FRMD4A: variants seen among roughly 807,000 people sequenced by gnomAD.
FRMD4A encodes the protein FERM domain-containing protein 4A.
In FRMD4A, 29 loss-of-function variants were observed where a neutral mutation model predicts 129.1. The observed-to-expected ratio is 0.22, with a 90% CI of 0.17 to 0.31. FRMD4A has a LOEUF of 0.31. Ranked by LOEUF, FRMD4A falls within the 10% of genes least tolerant of loss-of-function variation. The pLI, the probability that FRMD4A is intolerant of heterozygous loss-of-function variation, is 1.00. For missense variants in FRMD4A, 1,272 were observed against 1,375.8 expected, an observed-to-expected ratio of 0.92 and a Z score of 1.19; for synonymous variants, 634 against 571.6, an observed-to-expected ratio of 1.11 and a Z score of -1.56.
chr10:13,826,394 T>C (rs1047017128), intron 3 of FRMD4A, among the ~76,000 whole-genome samples: 2 of 152,210 alleles, frequency 1.3e-5, no homozygotes, highest in Non-Finnish European at 2.9e-5. Flanking sequence ...CACAGCATAC[T>C]TTCTTATTCC....
intron 2 of FRMD4A, among the ~76,000 whole-genome samples, chr10:14,146,256 T>C (rs914934260): frequency 6.6e-6 from 1 of 152,224 alleles, no homozygotes. Flanking sequence ...GCACTGAATG[T>C]GGCAGCTAGA....
chr10:13,723,088 T>G (rs1379495728), intron 12 of FRMD4A, among the ~76,000 whole-genome samples: 4 of 149,078 alleles, frequency 2.7e-5, no homozygotes, highest in African/African-American at 9.9e-5. Context: ...GCTGGTTAGC[T>G]AGTTTTTATG....
intron 2 of FRMD4A, chr10:13,971,594 TC>T: frequency 2.0e-6 from 2 of 987,768 alleles, no homozygotes; most frequent in African/African-American, 1.7e-5. Flanking sequence ...TGCCCCCTTC[TC>T]CACCATTCAC....
chr10:14,270,975 G>A (rs75934494), intron 2 of FRMD4A, among the ~76,000 whole-genome samples: 7 of 152,154 alleles, frequency 4.6e-5, no homozygotes, highest in Non-Finnish European at 2.9e-5. Context: ...GGCTGTACAG[G>A]AAGTGTAACA....
chr10:13,930,634 G>T (rs184316065), intron 2 of FRMD4A, among the ~76,000 whole-genome samples: 9 of 152,224 alleles, frequency 5.9e-5, no homozygotes, highest in Admixed American at 4.6e-4. Context: ...CGAAGGGTCT[G>T]GGGGGAAACA....
At chr10:14,141,596 C>G (rs1037509748) in intron 2 of FRMD4A, among the ~76,000 whole-genome samples, 1 of 152,148 alleles carries the variant, frequency 6.6e-6, no homozygotes, top group Non-Finnish European at 1.5e-5. Flanking sequence ...TGCCATACCC[C>G]CTTCACCTAG....
At chr10:14,220,807 TGTGTTTGTGTGTGTGTG>T (rs1843228863) in intron 2 of FRMD4A, among the ~76,000 whole-genome samples, 1 of 104,474 alleles carries the variant, frequency 9.6e-6, no homozygotes, top group Non-Finnish European at 2.2e-5. Flanking sequence ...TGTGTGTGTG[TGTGTTTGTGTGTGTGTG>T]TGTGTGTGTG....
intron 3 of FRMD4A, among the ~76,000 whole-genome samples, chr10:13,840,953 A>G (rs2093954996): frequency 6.6e-6 from 1 of 152,058 alleles, no homozygotes; most frequent in Admixed American, 6.5e-5. Flanking sequence ...ACAGAAAATA[A>G]AAGAATTAGA....
chr10:13,984,768 A>C (rs2095575070), intron 2 of FRMD4A, among the ~76,000 whole-genome samples: 1 of 152,206 alleles, frequency 6.6e-6, no homozygotes, highest in Admixed American at 6.5e-5. Flanking sequence ...TTCATCCATC[A>C]GCGGGCACTT....
chr10:14,007,987 G>C, intron 2 of FRMD4A: 1 of 1,275,450 alleles, frequency 7.8e-7, no homozygotes, highest in Non-Finnish European at 1.0e-6. Context: ...GAAGTAACGC[G>C]GTATACAATG....
At chr10:14,253,326 C>T (rs1241778040) in intron 2 of FRMD4A, among the ~76,000 whole-genome samples, 1 of 152,182 alleles carries the variant, frequency 6.6e-6, no homozygotes, top group African/African-American at 2.4e-5. Context: ...TTTAAGAAAC[C>T]TGGTTTTATC....
chr10:13,935,998 GT>G (rs1463912272), intron 2 of FRMD4A, among the ~76,000 whole-genome samples: 1 of 152,236 alleles, frequency 6.6e-6, no homozygotes, highest in Non-Finnish European at 1.5e-5. Flanking sequence ...AGGGAAATGT[GT>G]TTGGCACAAG....
At chr10:14,130,015 G>T (rs1434390850) in intron 2 of FRMD4A, among the ~76,000 whole-genome samples, 1 of 152,116 alleles carries the variant, frequency 6.6e-6, no homozygotes, top group Non-Finnish European at 1.5e-5. Flanking sequence ...TGCCTCCCAG[G>T]CTGTGATCTG....
At chr10:14,149,884 C>T (rs543598161) in intron 2 of FRMD4A, among the ~76,000 whole-genome samples, 7 of 152,140 alleles carry the variant, frequency 4.6e-5, no homozygotes, top group Non-Finnish European at 1.0e-4. Context: ...CTATAAAGAG[C>T]TACCTGAGTT....
chr10:14,016,381 C>A (rs970539691), intron 2 of FRMD4A, among the ~76,000 whole-genome samples: 3 of 152,212 alleles, frequency 2.0e-5, no homozygotes, highest in Non-Finnish European at 4.4e-5. Context: ...GTAAACAAGA[C>A]GTGTGCACCT....
chr10:14,066,080 T>C (rs987449065), intron 2 of FRMD4A, among the ~76,000 whole-genome samples: 4 of 141,158 alleles, frequency 2.8e-5, no homozygotes, highest in African/African-American at 8.0e-5. Context: ...AGAATGGTGG[T>C]AGCTCAGTGC....
intron 2 of FRMD4A, among the ~76,000 whole-genome samples, chr10:14,010,888 A>G (rs2095679988): frequency 6.6e-6 from 1 of 152,064 alleles, no homozygotes; most frequent in African/African-American, 2.4e-5. Context: ...AGTTATGACC[A>G]CTTTAGGAGA....
intron 2 of FRMD4A, among the ~76,000 whole-genome samples, chr10:14,019,633 T>G (rs1216248791): frequency 1.3e-5 from 2 of 152,212 alleles, no homozygotes; most frequent in Non-Finnish European, 2.9e-5. Context: ...AATATTGCCA[T>G]GTACACATAT....
At chr10:13,996,887 G>C (rs1167187791) in intron 2 of FRMD4A, among the ~76,000 whole-genome samples, 1 of 152,190 alleles carries the variant, frequency 6.6e-6, no homozygotes, top group African/African-American at 2.4e-5. Context: ...GTTGATGGCT[G>C]GCTCCAGCCT....
Sources: gnomAD v4.1 joint callset for allele counts (sites outside exome capture counted in the v4.1 genomes callset) on GRCh38, gnomAD v4.1.1 for gene constraint, MANE v1.5 for transcripts, NCBI Gene and HGNC (gene_info 2026-07-23, HGNC 2026-07-21) for gene names.